Variants in PLB1 observed in about 807,000 individuals in gnomAD.
PLB1 encodes phospholipase B1, membrane-associated.
Under a neutral mutation model 227.4 loss-of-function variants are expected in PLB1, and 242 were observed. The ratio of observed to expected loss-of-function variants is 1.06; its 90% CI spans 0.96 to 1.18. The LOEUF is 1.18. Ranked by LOEUF, PLB1 falls within the 50% of genes most tolerant of loss-of-function variation. PLB1 has a pLI of 0.00. For missense variants in PLB1, 1,858 were observed against 1,816.3 expected, an observed-to-expected ratio of 1.02 and a Z score of -0.42; for synonymous variants, 757 against 682.2, an observed-to-expected ratio of 1.11 and a Z score of -1.71.
intron 10 of PLB1, 29 bp from the exon 11 acceptor site, chr2:28,539,070 C>G (rs749696916): frequency 1.3e-6 from 2 of 1,586,318 alleles, no homozygotes; most frequent in Non-Finnish European, 1.7e-6. Context: ...TTGGCAAATA[C>G]TCACCTCCCT....
At chr2:28,634,146 C>T (rs1468050649) in intron 56 of PLB1, among the ~76,000 whole-genome samples, 2 of 152,200 alleles carry the variant, frequency 1.3e-5, no homozygotes, top group African/African-American at 4.8e-5. Context: ...ATGTCGACTT[C>T]CATTGTCAGG....
intron 25 of PLB1, among the ~76,000 whole-genome samples, chr2:28,583,473 C>A (rs1680392784): frequency 6.6e-6 from 1 of 152,202 alleles, no homozygotes; most frequent in Non-Finnish European, 1.5e-5. Flanking sequence ...CGTGAAGCCA[C>A]CATGCCTGGC....
chr2:28,627,487 C>T (rs1228239201), intron 51 of PLB1, among the ~76,000 whole-genome samples: 1 of 152,148 alleles, frequency 6.6e-6, no homozygotes, highest in Non-Finnish European at 1.5e-5. Flanking sequence ...CTGGGCTGCC[C>T]CGACTAGGAT....
At chr2:28,573,931 AG>A (rs1678455560) in intron 21 of PLB1, among the ~76,000 whole-genome samples, 1 of 152,248 alleles carries the variant, frequency 6.6e-6, no homozygotes, top group African/African-American at 2.4e-5. Flanking sequence ...GCAGTAATGC[AG>A]CAAGGTGGCA....
At chr2:28,575,370 T>C (rs1678754925) in intron 21 of PLB1, among the ~76,000 whole-genome samples, 1 of 152,210 alleles carries the variant, frequency 6.6e-6, no homozygotes, top group Non-Finnish European at 1.5e-5. Flanking sequence ...ATTTGGATTT[T>C]TTAGATCCTA....
Position 28,618,572 on chromosome 2 carries a change from C to A in PLB1, c.3315+173C>A, listed in dbSNP as rs990222833. ...AGGAGATGTAGAATGCCCTGTCTCG[C>A]CACCTTCCCAGTTCTGCTCAAAGCC... On this transcript the variant is annotated intron_variant, in intron 46 of 57. Coordinates refer to ENST00000327757, the MANE Select transcript of PLB1 (RefSeq NM_153021.5). 8.0e-5 allele frequency: 52 copies of A among 651,222 alleles called. 1 individual carries two copies. The highest frequency in any genetic ancestry group is 8.0e-4 in the South Asian group (43 of 54,058). 40.3% of individuals were successfully genotyped at this position (651,222 alleles called of 1,614,324 possible).
chr2:28,498,363 A>G (rs1666721447), intron 1 of PLB1, among the ~76,000 whole-genome samples: 1 of 150,176 alleles, frequency 6.7e-6, no homozygotes, highest in Non-Finnish European at 1.5e-5. Context: ...AGCTGGGACC[A>G]CACACCCACT....
chr2:28,600,379 C>T (rs1033853026), intron 35 of PLB1, among the ~76,000 whole-genome samples: 3 of 152,136 alleles, frequency 2.0e-5, no homozygotes, highest in Non-Finnish European at 2.9e-5. Context: ...AACATTTTTA[C>T]GGTTATTATG....
At chr2:28,528,701 T>C (rs559334681) in intron 6 of PLB1, among the ~76,000 whole-genome samples, 1 of 152,304 alleles carries the variant, frequency 6.6e-6, no homozygotes, top group South Asian at 2.1e-4. Flanking sequence ...TTGCCCTGTG[T>C]TTGTTACTGA....
At chr2:28,597,122 G>T (rs568622763) in intron 33 of PLB1, among the ~76,000 whole-genome samples, 4 of 152,140 alleles carry the variant, frequency 2.6e-5, no homozygotes, top group African/African-American at 9.7e-5. Context: ...AAATTAGCTG[G>T]GCATGGTGGC....
chr2:28,600,861 G>A lies in PLB1; in HGVS notation c.2526+1G>A. ...GATGCAGAAGATGAAAGATGATCAT[G>A]TGAGTCAGATTTACTGTTATTTCTA... On this transcript the variant is annotated splice_donor_variant, in intron 36 of 57. Coordinates refer to ENST00000327757, the MANE Select transcript of PLB1 (RefSeq NM_153021.5). LOFTEE classifies it high-confidence loss of function. 1.2e-6 allele frequency: 2 copies of A among 1,609,328 alleles called. No individual in the cohort carries two copies. The highest frequency in any genetic ancestry group is 1.3e-5 in the African/African-American group (1 of 74,948).
Position 28,496,073 on chromosome 2 carries a change from A to G in PLB1, c.-42A>G. The stretch of plus-strand genomic sequence containing the variant: ...GTGTGATAGCCCATCCATCTGCTGG[A>G]GCAGCTCTTCCAGAGGCCCGAGTCA... On this transcript the variant is annotated 5_prime_UTR_variant, in exon 1 of 58. Coordinates refer to ENST00000327757, the MANE Select transcript of PLB1 (RefSeq NM_153021.5). 1 of 1,594,470 alleles carries G rather than the reference A, an allele frequency of 6.3e-7. No homozygotes were observed. Among genetic ancestry groups the G allele is most frequent in the Non-Finnish European group, 8.6e-7 (1 of 1,162,406 alleles).
intron 1 of PLB1, among the ~76,000 whole-genome samples, chr2:28,505,285 G>A (rs960091128): frequency 2.6e-5 from 4 of 152,176 alleles, no homozygotes; most frequent in African/African-American, 7.2e-5. Flanking sequence ...AATAGAGCTC[G>A]AGAGAAGAAC....
Position 28,644,085 on chromosome 2 carries a change from A to G in PLB1, c.*1024A>G, listed in dbSNP as rs1690233702. On this transcript the variant is annotated 3_prime_UTR_variant, in exon 58 of 58. Coordinates refer to ENST00000327757, the MANE Select transcript of PLB1 (RefSeq NM_153021.5). The stretch of plus-strand genomic sequence containing the variant: ...GCAAATTGTTCCATTTAAAATGATT[A>G]ATTGTGTATCATGTGAATTTCACTT... Among the ~76,000 whole-genome samples the G allele has an allele frequency of 6.6e-6, 1 of 152,226 alleles. No individual in the cohort carries two copies. Among genetic ancestry groups the G allele is most frequent in the South Asian group, 2.1e-4 (1 of 4,828 alleles).
At chr2:28,501,040 G>A (rs1263184515) in intron 1 of PLB1, among the ~76,000 whole-genome samples, 1 of 152,198 alleles carries the variant, frequency 6.6e-6, no homozygotes, top group Non-Finnish European at 1.5e-5. Context: ...AGGTCCAGGT[G>A]CTAGGAATGT....
intron 4 of PLB1, among the ~76,000 whole-genome samples, 182 bp from the exon 5 acceptor site, chr2:28,525,085 G>A (rs971071962): frequency 5.9e-5 from 9 of 151,952 alleles, no homozygotes; most frequent in Admixed American, 3.3e-4. Flanking sequence ...TTGATCTCAC[G>A]TGATCCTCCC....
chr2:28,619,952 G>GC (rs1290195591), intron 46 of PLB1, among the ~76,000 whole-genome samples: 1 of 152,146 alleles, frequency 6.6e-6, no homozygotes, highest in African/African-American at 2.4e-5. Flanking sequence ...CAGGCAGGAG[G>GC]CCAGCGTATT....
chr2:28,638,262 T>G (rs1307515601), intron 56 of PLB1, among the ~76,000 whole-genome samples: 1 of 151,266 alleles, frequency 6.6e-6, no homozygotes, highest in Non-Finnish European at 1.5e-5. Flanking sequence ...CCTGAAGAAG[T>G]GACAGTGAAT....
chr2:28,524,742 A>G (rs994549368), intron 4 of PLB1, among the ~76,000 whole-genome samples: 6 of 152,072 alleles, frequency 3.9e-5, no homozygotes, highest in Non-Finnish European at 7.4e-5. Context: ...CACACCTTCC[A>G]TCGCTCCAAG....
Sources: gnomAD v4.1 joint callset for allele counts (sites outside exome capture counted in the v4.1 genomes callset) on GRCh38, gnomAD v4.1.1 for gene constraint, MANE v1.5 for transcripts, NCBI Gene and HGNC (gene_info 2026-07-23, HGNC 2026-07-21) for gene names.